Variants in SLC44A5 observed in about 807,000 individuals in gnomAD.
SLC44A5 encodes the protein choline transporter-like protein 5.
A neutral mutation model predicts 101.8 loss-of-function variants in SLC44A5; 57 were observed. The ratio of observed to expected loss-of-function variants is 0.56; its 90% CI spans 0.45 to 0.70. The LOEUF (loss-of-function observed/expected upper bound fraction) is 0.70, where lower values mean the gene tolerates loss of function less well. SLC44A5 is among the 30% of genes least tolerant of loss of function. The probability of loss-of-function intolerance (pLI) is 0.00; values close to 1 mark genes in which losing one functional copy is unlikely to be tolerated. For missense variants in SLC44A5, 737 were observed against 853.1 expected (o/e 0.86, Z 1.70); for synonymous variants, 281 against 290.9 (o/e 0.97, Z 0.35).
At chr1:75,456,285 G>A (rs1426263522) in intron 2 of SLC44A5, among the ~76,000 whole-genome samples, 1 of 152,070 alleles carries the variant, frequency 6.6e-6, no homozygotes, top group African/African-American at 2.4e-5. Context: ...GTTCTCACAA[G>A]TGGGAACTAA....
chr1:75,234,808 G>GAA (rs1359756234), intron 11 of SLC44A5, among the ~76,000 whole-genome samples: 6 of 151,952 alleles, frequency 3.9e-5, no homozygotes, highest in Non-Finnish European at 8.8e-5. Flanking sequence ...TTTCTTCTTA[G>GAA]AGCTTGACTG....
At chr1:75,414,274 T>C (rs1334188330) in intron 2 of SLC44A5, among the ~76,000 whole-genome samples, 1 of 116,050 alleles carries the variant, frequency 8.6e-6, no homozygotes, top group Non-Finnish European at 1.7e-5. Flanking sequence ...GCTTTATATA[T>C]ACACATATAT....
intron 18 of SLC44A5, among the ~76,000 whole-genome samples, chr1:75,216,259 T>A (rs1026048271): frequency 2.6e-5 from 4 of 152,062 alleles, no homozygotes; most frequent in African/African-American, 9.7e-5. Context: ...CTTAGCATGA[T>A]GTCGTCAAGG....
At chr1:75,528,963 T>C (rs947396290) in intron 2 of SLC44A5, among the ~76,000 whole-genome samples, 2 of 152,218 alleles carry the variant, frequency 1.3e-5, no homozygotes, top group Admixed American at 1.3e-4. Context: ...GCAACTCGCT[T>C]CTGTGTATTA....
intron 6 of SLC44A5, among the ~76,000 whole-genome samples, chr1:75,268,441 T>C (rs1570522921): frequency 6.6e-6 from 1 of 152,200 alleles, no homozygotes; most frequent in Admixed American, 6.5e-5. Flanking sequence ...TATCTTGTTA[T>C]TTACATTTTT....
intron 2 of SLC44A5, among the ~76,000 whole-genome samples, chr1:75,494,957 G>A (rs533633482): frequency 7.9e-5 from 12 of 152,222 alleles, no homozygotes; most frequent in African/African-American, 1.7e-4. Context: ...TCAGTCTTCC[G>A]AGACCATTGA....
chr1:75,218,847 C>T, intron 16 of SLC44A5, 95 bp from the exon 17 acceptor site: 2 of 1,131,514 alleles, frequency 1.8e-6, no homozygotes, highest in Admixed American at 2.4e-5. Context: ...ATTGCATATC[C>T]TGTTGTTTCT....
At position 75,336,352 on chromosome 1, in the gene SLC44A5, C is replaced by T. The variant is rs138799702; in HGVS notation, c.101+3230G>A. Among the ~76,000 whole-genome samples, 1,040 of 152,168 alleles carry T rather than the reference C, an allele frequency of 6.8e-3. 19 individuals are homozygous for T. Among genetic ancestry groups the T allele is most frequent in the African/African-American group, 0.023 (969 of 41,526 alleles). Reference sequence around the variant, plus strand: ...TATTTTTAGTGGAGACGGGGTTTCACCATGTTGGCCAGGCTGGTTTCCAAC... The same window carrying T: ...TATTTTTAGTGGAGACGGGGTTTCATCATGTTGGCCAGGCTGGTTTCCAAC... On this transcript the variant is annotated intron_variant, in intron 4 of 23. Coordinates refer to ENST00000370859, the MANE Select transcript of SLC44A5 (RefSeq NM_001130058.2).
At chr1:75,638,480 T>A in the SLC44A5 span, among the ~76,000 whole-genome samples, 26 of 152,188 alleles carry the variant, frequency 1.7e-4, no homozygotes, top group African/African-American at 6.3e-4. Context: ...CACTGTCCCA[T>A]GAGGATTTAT....
At chr1:75,461,179 TCACATAAACCA>T (rs1260991883) in intron 2 of SLC44A5, among the ~76,000 whole-genome samples, 6 of 152,310 alleles carry the variant, frequency 3.9e-5, no homozygotes, top group Middle Eastern at 3.4e-3. Flanking sequence ...TACAAAGTCT[TCACATAAACCA>T]AAAGAGATCT....
intron 4 of SLC44A5, among the ~76,000 whole-genome samples, chr1:75,325,703 T>C (rs748893135): frequency 6.6e-6 from 1 of 152,094 alleles, no homozygotes; most frequent in East Asian, 1.9e-4. Flanking sequence ...TATGTATGTA[T>C]AGGAAAATGC....
At chr1:75,681,965 C>A in the SLC44A5 span, among the ~76,000 whole-genome samples, 1 of 152,130 alleles carries the variant, frequency 6.6e-6, no homozygotes, top group Non-Finnish European at 1.5e-5. Context: ...ACACCAACAA[C>A]AGACAAACAG....
chr1:75,649,407 T>C, the SLC44A5 span, among the ~76,000 whole-genome samples: 1 of 152,122 alleles, frequency 6.6e-6, no homozygotes, highest in Admixed American at 6.6e-5. Context: ...AAGTCATGTA[T>C]GGTGTTGAAG....
chr1:75,621,397 C>T, the SLC44A5 span, among the ~76,000 whole-genome samples: 7 of 151,998 alleles, frequency 4.6e-5, no homozygotes, highest in Non-Finnish European at 7.4e-5. Flanking sequence ...CATGTTCCTA[C>T]GTGGAAGTAT....
chr1:75,523,793 C>T (rs935122216), intron 2 of SLC44A5, among the ~76,000 whole-genome samples: 9 of 152,130 alleles, frequency 5.9e-5, no homozygotes, highest in Non-Finnish European at 1.2e-4. Flanking sequence ...ATTGCTACGC[C>T]GGAGAGTGGC....
At chr1:75,345,623 A>C (rs1238648770) in intron 3 of SLC44A5, among the ~76,000 whole-genome samples, 1 of 152,172 alleles carries the variant, frequency 6.6e-6, no homozygotes, top group Non-Finnish European at 1.5e-5. Flanking sequence ...GTTATGGAAT[A>C]ACTTTTAGAA....
chr1:75,202,500 C>T lies in SLC44A5; in HGVS notation c.*1227G>A, dbSNP rs893895721. On this transcript the variant is annotated 3_prime_UTR_variant, in exon 24 of 24. Coordinates refer to ENST00000370859, the MANE Select transcript of SLC44A5 (RefSeq NM_001130058.2). The stretch of plus-strand genomic sequence containing the variant: ...ACTGAGTAACCAACTGAATTAATTT[C>T]CTTAAAAGTTAGTAGTACTGGTAAA... The T allele has an allele frequency of 2.6e-5, 4 of 152,052 alleles. No homozygotes were observed. Among genetic ancestry groups the T allele is most frequent in the Non-Finnish European group, 5.9e-5 (4 of 68,006 alleles). The allele number at this position is 152,052 out of a possible 1,614,324, so 9.4% of individuals were successfully genotyped here.
chr1:75,569,440 C>A (rs536684781), intron 1 of SLC44A5, among the ~76,000 whole-genome samples: 67 of 151,974 alleles, frequency 4.4e-4, no homozygotes, highest in African/African-American at 1.6e-3. Flanking sequence ...CAAGATTTCA[C>A]CTCGTTGCCC....
rs542616239 is a variant in SLC44A5 at position 75,428,450 on chromosome 1, G to C, written c.14-31829C>G. Among the ~76,000 whole-genome samples, 500 of 152,242 alleles carry C rather than the reference G, an allele frequency of 3.3e-3. 1 individual carries two copies. The highest frequency in any genetic ancestry group is 5.3e-3 in the Non-Finnish European group (358 of 68,012). ...ACGTCCTATTAATTTTTGAATCTCA[G>C]AATTTAGCACAGTGCTTGATATACC... On this transcript the variant is annotated intron_variant, in intron 2 of 23. Coordinates refer to ENST00000370859, the MANE Select transcript of SLC44A5 (RefSeq NM_001130058.2).
Sources: gnomAD v4.1 joint callset for allele counts (sites outside exome capture counted in the v4.1 genomes callset) on GRCh38, gnomAD v4.1.1 for gene constraint, MANE v1.5 for transcripts, NCBI Gene and HGNC (gene_info 2026-07-23, HGNC 2026-07-21) for gene names.